The following NPAS3 variants were observed in gnomAD, a reference collection of about 807,000 sequenced individuals.
NPAS3 encodes the protein neuronal PAS domain protein 3.
A neutral mutation model predicts 73.1 loss-of-function variants in NPAS3; 14 were observed. The observed-to-expected ratio is 0.19, with a 90% CI of 0.13 to 0.30. The LOEUF is 0.30. Ranked by LOEUF, NPAS3 falls within the 10% of genes least tolerant of loss-of-function variation. The pLI is 1.00. For missense variants in NPAS3, 1,096 were observed against 1,250.0 expected, an observed-to-expected ratio of 0.88 and a Z score of 1.86; for synonymous variants, 620 against 541.5, an observed-to-expected ratio of 1.14 and a Z score of -2.01.
intron 3 of NPAS3, among the ~76,000 whole-genome samples, chr14:33,221,950 C>G (rs781066342): frequency 3.3e-5 from 5 of 152,020 alleles, no homozygotes; most frequent in Admixed American, 6.6e-5. Flanking sequence ...CAAAATTTTA[C>G]ATCACATGGG....
At chr14:33,230,685 G>A (rs2047816247) in intron 3 of NPAS3, among the ~76,000 whole-genome samples, 1 of 152,190 alleles carries the variant, frequency 6.6e-6, no homozygotes, top group South Asian at 2.1e-4. Flanking sequence ...AAAGTGAACT[G>A]TAGAATGTTC....
chr14:33,031,154 G>A (rs2039973971), intron 1 of NPAS3, among the ~76,000 whole-genome samples: 1 of 152,142 alleles, frequency 6.6e-6, no homozygotes, highest in South Asian at 2.1e-4. Context: ...ATTACTCACA[G>A]CATTTCAGCA....
intron 3 of NPAS3, among the ~76,000 whole-genome samples, chr14:33,282,835 G>A (rs927420126): frequency 6.6e-6 from 1 of 152,078 alleles, no homozygotes; most frequent in East Asian, 1.9e-4. Context: ...ATATGCAGAC[G>A]GCTCTGATTT....
At chr14:33,606,877 C>A (rs1308233836) in intron 5 of NPAS3, among the ~76,000 whole-genome samples, 4 of 151,988 alleles carry the variant, frequency 2.6e-5, no homozygotes, top group African/African-American at 9.7e-5. Flanking sequence ...AAAGAACTCT[C>A]AAAACTCAGT....
intron 6 of NPAS3, among the ~76,000 whole-genome samples, chr14:33,681,368 T>G (rs952514676): frequency 1.4e-4 from 21 of 152,220 alleles, no homozygotes; most frequent in Non-Finnish European, 2.6e-4. Context: ...GGAAACCATC[T>G]TACTAACCCC....
intron 1 of NPAS3, among the ~76,000 whole-genome samples, chr14:32,962,735 G>A (rs1282181621): frequency 2.0e-5 from 3 of 151,082 alleles, no homozygotes; most frequent in Non-Finnish European, 4.4e-5. Flanking sequence ...GCTAATTTTT[G>A]TATTTTTAGT....
chr14:33,304,424 T>A (rs1005163307), intron 3 of NPAS3, among the ~76,000 whole-genome samples: 5 of 152,052 alleles, frequency 3.3e-5, no homozygotes, highest in Admixed American at 6.6e-5. Context: ...CCTATTTTCT[T>A]ATATTAGTGT....
chr14:33,010,015 T>C (rs1444121588), intron 1 of NPAS3, among the ~76,000 whole-genome samples: 1 of 152,136 alleles, frequency 6.6e-6, no homozygotes, highest in Non-Finnish European at 1.5e-5. Context: ...GGCTAATAAT[T>C]GTACTGTGTG....
At chr14:33,349,860 T>C (rs971118540) in intron 3 of NPAS3, among the ~76,000 whole-genome samples, 2 of 152,194 alleles carry the variant, frequency 1.3e-5, no homozygotes, top group Non-Finnish European at 2.9e-5. Context: ...TATATCCTTT[T>C]GTACAGTCTC....
At chr14:33,145,260 T>C (rs535982875) in intron 2 of NPAS3, among the ~76,000 whole-genome samples, 1 of 152,302 alleles carries the variant, frequency 6.6e-6, no homozygotes, top group African/African-American at 2.4e-5. Flanking sequence ...AATGTCTTTC[T>C]TTTCCAATCC....
intron 6 of NPAS3, among the ~76,000 whole-genome samples, chr14:33,734,812 C>T (rs1160145750): frequency 6.6e-6 from 1 of 152,136 alleles, no homozygotes; most frequent in Non-Finnish European, 1.5e-5. Context: ...AAAGAGCAAG[C>T]CTTCCTTACC....
At chr14:33,290,977 A>C (rs1401310901) in intron 3 of NPAS3, among the ~76,000 whole-genome samples, 1 of 151,936 alleles carries the variant, frequency 6.6e-6, no homozygotes, top group African/African-American at 2.4e-5. Flanking sequence ...TTTTATGACT[A>C]GTTTTATGAA....
chr14:33,506,674 T>C (rs897550740), intron 4 of NPAS3, among the ~76,000 whole-genome samples: 5 of 152,036 alleles, frequency 3.3e-5, no homozygotes, highest in Non-Finnish European at 1.5e-5. Flanking sequence ...CCAGAAGCCA[T>C]AGGCTATGAT....
At chr14:33,333,221 T>C (rs17100673) in intron 3 of NPAS3, among the ~76,000 whole-genome samples, 26,777 of 152,172 alleles carry the variant, frequency 0.18, 2,942 homozygotes, top group African/African-American at 0.31. Flanking sequence ...ATAAATGAGA[T>C]GATACATATG....
intron 6 of NPAS3, among the ~76,000 whole-genome samples, chr14:33,707,806 A>AG (rs1296647225): frequency 6.6e-6 from 1 of 152,148 alleles, no homozygotes; most frequent in Non-Finnish European, 1.5e-5. Context: ...GCAGCCCCAT[A>AG]GGTCAGGGTG....
At chr14:33,725,443 C>A (rs1208536561) in intron 6 of NPAS3, among the ~76,000 whole-genome samples, 1 of 152,082 alleles carries the variant, frequency 6.6e-6, no homozygotes, top group Non-Finnish European at 1.5e-5. Flanking sequence ...GTGACTATAG[C>A]TGAGTGATAA....
At chr14:33,078,793 A>T (rs997362979) in intron 2 of NPAS3, among the ~76,000 whole-genome samples, 13 of 152,200 alleles carry the variant, frequency 8.5e-5, no homozygotes, top group Non-Finnish European at 2.9e-5. Context: ...ACATAGAAAT[A>T]GGGGTAGAGA....
At chr14:33,523,026 T>C (rs2140115156) in intron 4 of NPAS3, among the ~76,000 whole-genome samples, 1 of 152,190 alleles carries the variant, frequency 6.6e-6, no homozygotes, top group East Asian at 1.9e-4. Flanking sequence ...GTCAACTGAA[T>C]TACACCCATA....
intron 5 of NPAS3, among the ~76,000 whole-genome samples, chr14:33,613,284 A>C (rs1470526026): frequency 6.6e-6 from 1 of 152,212 alleles, no homozygotes; most frequent in Admixed American, 6.5e-5. Flanking sequence ...AACTGACTCC[A>C]GAGGAAACAG....
Sources: gnomAD v4.1 joint callset for allele counts (sites outside exome capture counted in the v4.1 genomes callset) on GRCh38, gnomAD v4.1.1 for gene constraint, MANE v1.5 for transcripts, NCBI Gene and HGNC (gene_info 2026-07-23, HGNC 2026-07-21) for gene names.